CYSLTR2: variants seen among roughly 807,000 people sequenced by gnomAD.
CYSLTR2 encodes G-protein coupled receptor GPCR21.
For missense variants in CYSLTR2, 398 were observed against 411.9 expected, an observed-to-expected ratio of 0.97 and a Z score of 0.29; for synonymous variants, 179 against 160.8, an observed-to-expected ratio of 1.11 and a Z score of -0.86.
In CYSLTR2 at chr13:48,710,019, A is replaced by G. The variant is rs1954598470; in HGVS notation, c.*2161A>G. 1 of 152,234 alleles carries G rather than the reference A, an allele frequency of 6.6e-6. No individual in the cohort carries two copies. Among genetic ancestry groups the G allele is most frequent in the Admixed American group, 6.5e-5 (1 of 15,280 alleles). The allele number at this position is 152,234 out of a possible 1,614,324, so 9.4% of individuals were successfully genotyped here. A position where few individuals can be genotyped will look rare whatever the true frequency, so the allele number is the denominator to read the frequency against. ...TACATAGAAAAATAAGCAAGTAAAA[A>G]CGCAATACAGTTTTTAAGTGCTAGA... On this transcript the variant is annotated 3_prime_UTR_variant, in exon 5 of 5. Coordinates refer to ENST00000682523, the MANE Select transcript of CYSLTR2 (RefSeq NM_001308476.3).
At chr13:48,673,433 CTTTTTTTTTTTTTTTTT>C (rs61699943) in intron 1 of CYSLTR2, among the ~76,000 whole-genome samples, 3 of 48,278 alleles carry the variant, frequency 6.2e-5, no homozygotes, top group Admixed American at 3.5e-4. Flanking sequence ...GTAACCCCGG[CTTTTTTTTTTTTTTTTT>C]TTTTTTTTGC....
intron 1 of CYSLTR2, among the ~76,000 whole-genome samples, chr13:48,678,604 C>T (rs1345620843): frequency 6.6e-6 from 1 of 152,164 alleles, no homozygotes; most frequent in Non-Finnish European, 1.5e-5. Context: ...TCCTCCTCCC[C>T]AGCTATACAG....
chr13:48,703,465 C>A (rs968721254), intron 4 of CYSLTR2, among the ~76,000 whole-genome samples: 1 of 152,104 alleles, frequency 6.6e-6, no homozygotes, highest in Non-Finnish European at 1.5e-5. Flanking sequence ...TTTGTATATG[C>A]TCTTTATCAA....
At position 48,707,324 on chromosome 13, in the gene CYSLTR2, C is replaced by T. The variant is rs1219484462; in HGVS notation, c.507C>T (p.Ser169=). 1.2e-6 allele frequency: 2 copies of T among 1,614,076 alleles called. No homozygotes were observed. Among genetic ancestry groups the T allele is most frequent in the East Asian group, 2.2e-5 (1 of 44,886 alleles). The change falls in exon 5 of 5, where the codon TCC becomes TCT. Residue 169 remains serine, a synonymous_variant. Transcript: ENST00000682523. The part of the protein sequence containing the change: ...CGIIWILIMA[S]SIMLLDSGSE... ...TCATATGGATCCTTATCATGGCTTCCTCAATAATGCTCCTGGACAGTGGCT... is the reference window on the plus strand; with the variant it reads ...TCATATGGATCCTTATCATGGCTTCTTCAATAATGCTCCTGGACAGTGGCT...
chr13:48,687,942 G>A (rs1229315699), intron 1 of CYSLTR2, among the ~76,000 whole-genome samples: 5 of 152,274 alleles, frequency 3.3e-5, no homozygotes, highest in South Asian at 2.1e-4. Context: ...TTATTTGGTC[G>A]TGGTTGTGGG....
intron 1 of CYSLTR2, among the ~76,000 whole-genome samples, chr13:48,660,892 A>G (rs986285909): frequency 3.9e-5 from 6 of 152,142 alleles, no homozygotes; most frequent in African/African-American, 7.2e-5. Flanking sequence ...GATTTTGAGG[A>G]ACAAATGTGT....
At chr13:48,701,346 C>A (rs1173049729) in intron 4 of CYSLTR2, among the ~76,000 whole-genome samples, 1 of 152,068 alleles carries the variant, frequency 6.6e-6, no homozygotes, top group Non-Finnish European at 1.5e-5. Flanking sequence ...ACAAGCATCT[C>A]AACTTTGACA....
At chr13:48,657,033 C>G (rs1279693682) in intron 1 of CYSLTR2, among the ~76,000 whole-genome samples, 1 of 152,220 alleles carries the variant, frequency 6.6e-6, no homozygotes. Flanking sequence ...GACCAAGACT[C>G]TGACATTGGA....
intron 3 of CYSLTR2, 55 bp from the exon 4 acceptor site, chr13:48,696,471 C>T (rs1954190087): frequency 6.6e-6 from 1 of 152,150 alleles, no homozygotes; most frequent in African/African-American, 2.4e-5. Flanking sequence ...AACTCTTTGT[C>T]AGTCCTAGAT....
intron 1 of CYSLTR2, among the ~76,000 whole-genome samples, chr13:48,665,864 T>C (rs564389062): frequency 6.6e-6 from 1 of 152,210 alleles, no homozygotes; most frequent in African/African-American, 2.4e-5. Flanking sequence ...TATTGATTCT[T>C]TTCTGCTTGT....
intron 1 of CYSLTR2, among the ~76,000 whole-genome samples, chr13:48,677,348 G>A (rs957582677): frequency 1.9e-4 from 29 of 152,240 alleles, no homozygotes; most frequent in African/African-American, 4.1e-4. Flanking sequence ...ACCAAAAAAC[G>A]ACACCAGAGT....
intron 4 of CYSLTR2, among the ~76,000 whole-genome samples, chr13:48,697,344 C>T (rs878974331): frequency 2.6e-5 from 4 of 152,090 alleles, no homozygotes; most frequent in Non-Finnish European, 4.4e-5. Flanking sequence ...CAACATTTGC[C>T]GTTCTTCTAT....
intron 1 of CYSLTR2, among the ~76,000 whole-genome samples, chr13:48,685,699 G>A (rs1181968344): frequency 1.3e-4 from 20 of 152,066 alleles, no homozygotes; most frequent in Admixed American, 1.3e-3. Flanking sequence ...TAGCCTATTA[G>A]GTGATAGTTC....
chr13:48,664,468 T>C (rs1953210012), intron 1 of CYSLTR2, among the ~76,000 whole-genome samples: 2 of 152,008 alleles, frequency 1.3e-5, no homozygotes, highest in South Asian at 4.1e-4. Flanking sequence ...GTGTTTCTTT[T>C]TGGGAGACTC....
At chr13:48,655,537 T>G (rs1476641893) in intron 1 of CYSLTR2, among the ~76,000 whole-genome samples, 1 of 152,204 alleles carries the variant, frequency 6.6e-6, no homozygotes, top group Non-Finnish European at 1.5e-5. Flanking sequence ...GCATTTGCTG[T>G]TGCACTCAGC....
intron 1 of CYSLTR2, among the ~76,000 whole-genome samples, chr13:48,677,996 T>C (rs1953646461): frequency 6.6e-6 from 1 of 151,838 alleles, no homozygotes; most frequent in Non-Finnish European, 1.5e-5. Context: ...CTCAGCCTCC[T>C]GAGTATCTGG....
At chr13:48,687,131 G>A (rs569001404) in intron 1 of CYSLTR2, among the ~76,000 whole-genome samples, 31 of 152,066 alleles carry the variant, frequency 2.0e-4, no homozygotes, top group Non-Finnish European at 4.0e-4. Flanking sequence ...CTGGCCTTAG[G>A]ACTCTAGGGC....
intron 1 of CYSLTR2, among the ~76,000 whole-genome samples, chr13:48,690,300 GT>G (rs956251486): frequency 6.6e-6 from 1 of 152,114 alleles, no homozygotes; most frequent in Non-Finnish European, 1.5e-5. Flanking sequence ...TTGAATAGGA[GT>G]GGTGAGAGAG....
intron 1 of CYSLTR2, among the ~76,000 whole-genome samples, chr13:48,661,680 C>G (rs556718252): frequency 6.6e-6 from 1 of 152,190 alleles, no homozygotes; most frequent in Admixed American, 6.5e-5. Flanking sequence ...CTACCTTACA[C>G]CAACTGTCTC....
Sources: gnomAD v4.1 joint callset for allele counts (sites outside exome capture counted in the v4.1 genomes callset) on GRCh38, gnomAD v4.1.1 for gene constraint, MANE v1.5 for transcripts, NCBI Gene and HGNC (gene_info 2026-07-23, HGNC 2026-07-21) for gene names.